PRKAR2B: variants seen among roughly 807,000 people sequenced by gnomAD.
The protein encoded by PRKAR2B is protein kinase cAMP-dependent type II regulatory subunit beta, also known as cAMP-dependent protein kinase type II-beta regulatory subunit.
A neutral mutation model predicts 49.9 loss-of-function variants in PRKAR2B; 14 were observed. The observed-to-expected ratio is 0.28, with a 90% CI of 0.19 to 0.44. The LOEUF (loss-of-function observed/expected upper bound fraction) is 0.44. Among genes scored for constraint, PRKAR2B ranks in the 20% least tolerant of loss-of-function variants. PRKAR2B has a pLI of 1.00. For missense variants in PRKAR2B, 393 were observed against 537.9 expected (o/e 0.73, Z 2.67); for synonymous variants, 196 against 197.7 (o/e 0.99, Z 0.07).
chr7:107,137,799 C>T (rs1795724570), intron 4 of PRKAR2B, among the ~76,000 whole-genome samples: 1 of 152,130 alleles, frequency 6.6e-6, no homozygotes, highest in African/African-American at 2.4e-5. Context: ...TCTTCATTTT[C>T]AGAGAAGTTG....
intron 2 of PRKAR2B, among the ~76,000 whole-genome samples, chr7:107,087,171 G>T (rs531253024): frequency 7.2e-5 from 11 of 151,964 alleles, no homozygotes; most frequent in Non-Finnish European, 1.6e-4. Flanking sequence ...TAGCAGAAAA[G>T]TGAAATAAAT....
chr7:107,097,019 A>G (rs927326907), intron 2 of PRKAR2B, among the ~76,000 whole-genome samples: 4 of 152,206 alleles, frequency 2.6e-5, no homozygotes, highest in Admixed American at 6.5e-5. Context: ...GTAGATGTCT[A>G]CTAGGTCTGC....
intron 6 of PRKAR2B, among the ~76,000 whole-genome samples, chr7:107,150,559 C>T (rs542239450): frequency 7.3e-6 from 1 of 137,264 alleles, no homozygotes; most frequent in Non-Finnish European, 1.5e-5. Flanking sequence ...TGAAAAAGAA[C>T]GTAGAGTACA....
chr7:107,156,279 G>T lies in PRKAR2B; in HGVS notation c.919-705G>T, dbSNP rs530704064. 4.0e-5 allele frequency among the ~76,000 whole-genome samples: 6 copies of T among 150,946 alleles called. No individual in the cohort carries two copies. In the East Asian group the frequency reaches 1.2e-3, roughly 29 times the overall value. ...ATTTAAAGTAAAATTTTAAAAAAAGGAAAAAAAAATTAGCTGGGTGTGGTA... is the reference window on the plus strand; with the variant it reads ...ATTTAAAGTAAAATTTTAAAAAAAGTAAAAAAAAATTAGCTGGGTGTGGTA... On this transcript the variant is annotated intron_variant, in intron 8 of 10. Coordinates refer to ENST00000265717, the MANE Select transcript of PRKAR2B (RefSeq NM_002736.3).
chr7:107,106,417 A>C (rs1312466969), intron 2 of PRKAR2B, among the ~76,000 whole-genome samples: 2 of 152,198 alleles, frequency 1.3e-5, no homozygotes, highest in Admixed American at 6.5e-5. Context: ...ACCATACATC[A>C]GATGGACAAT....
chr7:107,085,264 A>G (rs929882936), intron 2 of PRKAR2B, among the ~76,000 whole-genome samples: 4 of 151,976 alleles, frequency 2.6e-5, no homozygotes, highest in Admixed American at 1.3e-4. Flanking sequence ...GATTGTACCA[A>G]TTTTCTGTGT....
At chr7:107,084,450 G>A (rs1794576564) in intron 2 of PRKAR2B, among the ~76,000 whole-genome samples, 1 of 152,054 alleles carries the variant, frequency 6.6e-6, no homozygotes. Flanking sequence ...CTAGAAATAT[G>A]TAAAGCGTAG....
intron 8 of PRKAR2B, among the ~76,000 whole-genome samples, chr7:107,154,155 T>C (rs1796038248): frequency 6.6e-6 from 1 of 152,208 alleles, no homozygotes; most frequent in Non-Finnish European, 1.5e-5. Flanking sequence ...AAAGTTCTAC[T>C]GTATAAACTA....
rs774512489 is a variant in PRKAR2B at position 107,140,918 on chromosome 7, A to G, written c.552A>G (p.Gln184=). The G allele has an allele frequency of 3.1e-6, 5 of 1,613,246 alleles. No homozygotes were observed. The Admixed American group carries it at 5.0e-5, about 16-fold the overall frequency. ...LVKDGEHVID[Q]GDDGDNFYVI... is the part of the protein sequence containing the mutation. Reference sequence around the variant, plus strand: ...AAGATGGGGAGCATGTAATTGATCAAGGTGACGATGGTGACAACTTTTATG... The same window carrying G: ...AAGATGGGGAGCATGTAATTGATCAGGGTGACGATGGTGACAACTTTTATG... Residue 184 remains glutamine (Q), a synonymous_variant, in exon 5 of 11, where the codon CAA becomes CAG. Coordinates refer to ENST00000265717, the MANE Select transcript of PRKAR2B (RefSeq NM_002736.3).
At chr7:107,050,161 G>A (rs569700139) in intron 1 of PRKAR2B, among the ~76,000 whole-genome samples, 2 of 152,164 alleles carry the variant, frequency 1.3e-5, no homozygotes, top group South Asian at 2.1e-4. Context: ...AGGGAAAGGG[G>A]GAGGGAGAGA....
Position 107,122,000 on chromosome 7 carries a change from C to G in PRKAR2B, c.392C>G (p.Ser131Cys), listed in dbSNP as rs1435893803. The change falls in exon 3 of 11, where the codon TCC (serine) becomes TGC (cysteine). Residue 131 changes from serine (S) to cysteine (C), a missense_variant. Around this residue, in one of 2 missense-constraint regions of PRKAR2B, gnomAD observed 233 missense variants for 390.4 expected, o/e 0.60. Transcript: ENST00000265717. ...GATGAAGAAGAAGATGATGCAGAGT[C>G]CAGGGTATGTAATTTACTGAATGAA... is the stretch of plus-strand genomic sequence containing the variant. ...NPDEEEDDAE[S>C]RIIHPKTDDQ... 6.3e-7 allele frequency: 1 copy of G among 1,587,724 alleles called. No homozygotes were observed. Among genetic ancestry groups the G allele is most frequent in the Non-Finnish European group, 8.6e-7 (1 of 1,162,208 alleles).
intron 5 of PRKAR2B, among the ~76,000 whole-genome samples, chr7:107,145,132 TG>T (rs1795867382): frequency 6.6e-6 from 1 of 152,196 alleles, no homozygotes; most frequent in Admixed American, 6.5e-5. Context: ...AACTTTAGAA[TG>T]GGGGTTGATC....
chr7:107,046,716 G>C (rs566602900), intron 1 of PRKAR2B, among the ~76,000 whole-genome samples: 1 of 152,216 alleles, frequency 6.6e-6, no homozygotes, highest in South Asian at 2.1e-4. Flanking sequence ...AAAGGGCAGA[G>C]ATATCTAATA....
At chr7:107,065,243 A>C (rs1418146078) in intron 1 of PRKAR2B, among the ~76,000 whole-genome samples, 1 of 152,158 alleles carries the variant, frequency 6.6e-6, no homozygotes, top group East Asian at 1.9e-4. Context: ...ACTTTTCTGC[A>C]AAAGGCTAAT....
rs78627651 is a variant in PRKAR2B, at chr7:107,134,029, T to G, written c.480+5734T>G. 1.5e-3 allele frequency among the ~76,000 whole-genome samples: 231 copies of G among 152,194 alleles called. 2 individuals carry two copies. In the East Asian group the frequency reaches 0.031, roughly 20 times the overall value. On this transcript the variant is annotated intron_variant, in intron 4 of 10. Coordinates refer to ENST00000265717, the MANE Select transcript of PRKAR2B (RefSeq NM_002736.3). ...GACATACTGTTATGCCCTGTTTTTTTTTGTTGTTGTTGTTGTTTTTTGAGA... is the reference window on the plus strand; with the variant it reads ...GACATACTGTTATGCCCTGTTTTTTGTTGTTGTTGTTGTTGTTTTTTGAGA...
intron 2 of PRKAR2B, among the ~76,000 whole-genome samples, chr7:107,108,081 A>G (rs996727082): frequency 6.6e-6 from 1 of 152,156 alleles, no homozygotes; most frequent in Non-Finnish European, 1.5e-5. Flanking sequence ...ACAAAGACCA[A>G]CAACCCTAAC....
chr7:107,145,193 G>A (rs1205011841), intron 5 of PRKAR2B, among the ~76,000 whole-genome samples: 1 of 152,160 alleles, frequency 6.6e-6, no homozygotes, highest in African/African-American at 2.4e-5. Context: ...AGGCCAATAT[G>A]TTCTCTGTTG....
chr7:107,134,970 G>A (rs963597014), intron 4 of PRKAR2B, among the ~76,000 whole-genome samples: 3 of 151,854 alleles, frequency 2.0e-5, no homozygotes, highest in Admixed American at 2.0e-4. Context: ...AAAGAAAAAA[G>A]ATAAATAGGA....
At chr7:107,052,758 A>G (rs956900329) in intron 1 of PRKAR2B, among the ~76,000 whole-genome samples, 11 of 152,222 alleles carry the variant, frequency 7.2e-5, no homozygotes, top group Admixed American at 4.6e-4. Context: ...TCTCCCTTTT[A>G]CAATTTGCAT....
Sources: gnomAD v4.1 joint callset for allele counts (sites outside exome capture counted in the v4.1 genomes callset) on GRCh38, gnomAD v4.1.1 for gene constraint, gnomAD v4.1.1 regional missense constraint, MANE v1.5 for transcripts, NCBI Gene and HGNC (gene_info 2026-07-23, HGNC 2026-07-21) for gene names.